The following DSTYK variants were observed in gnomAD, a reference collection of about 807,000 sequenced individuals.
DSTYK encodes dual serine/threonine and tyrosine protein kinase, also known as RIP-homologous kinase.
A neutral mutation model predicts 98.7 loss-of-function variants in DSTYK; 34 were observed. The observed-to-expected ratio is 0.34, with a 90% CI of 0.26 to 0.46. The LOEUF (loss-of-function observed/expected upper bound fraction) is 0.46, where lower values mean the gene tolerates loss of function less well. Ranked by LOEUF, DSTYK falls within the 20% of genes least tolerant of loss-of-function variation. The probability of loss-of-function intolerance (pLI) is 1.00; values close to 1 mark genes in which losing one functional copy is unlikely to be tolerated. For missense variants in DSTYK, 962 were observed against 1,181.7 expected (o/e 0.81, Z 2.73); for synonymous variants, 462 against 457.3 (o/e 1.01, Z -0.13).
chr1:205,166,638 G>A lies in DSTYK; in HGVS notation c.1324+2525C>T, dbSNP rs145558667. On this transcript the variant is annotated intron_variant, in intron 3 of 12. Transcript: ENST00000367162. ...TGACCTCCATTCTGTGTAATATGAT[G>A]CCGGCAGTGATGCTCTGGTGTCTTT... Among the ~76,000 whole-genome samples the A allele has an allele frequency of 5.8e-3, 882 of 152,276 alleles. 7 individuals are homozygous for A. Among genetic ancestry groups the A allele is most frequent in the Non-Finnish European group, 9.2e-3 (629 of 68,010 alleles).
intron 1 of DSTYK, among the ~76,000 whole-genome samples, chr1:205,203,526 A>G (rs1574803040): frequency 5.4e-5 from 2 of 37,014 alleles, no homozygotes; most frequent in African/African-American, 2.3e-4. Flanking sequence ...AGGGGAGGGG[A>G]GGGGAGGGGT....
intron 9 of DSTYK, 33 bp downstream of exon 9, chr1:205,159,514 T>C: frequency 6.3e-7 from 1 of 1,592,130 alleles, no homozygotes; most frequent in Non-Finnish European, 8.6e-7. Context: ...ACCCGTGGAT[T>C]TGGCTGCCAG....
At chr1:205,208,051 TG>T (rs1331636194) in intron 1 of DSTYK, among the ~76,000 whole-genome samples, 3 of 151,948 alleles carry the variant, frequency 2.0e-5, no homozygotes, top group Non-Finnish European at 4.4e-5. Flanking sequence ...CTAATTTTTT[TG>T]GATTTTTAAT....
At chr1:205,172,797 A>G (rs1049253793) in intron 2 of DSTYK, among the ~76,000 whole-genome samples, 1 of 152,138 alleles carries the variant, frequency 6.6e-6, no homozygotes, top group South Asian at 2.1e-4. Flanking sequence ...CAAACACTAC[A>G]TAAGTCAATC....
rs1413236386 is a variant in DSTYK, at chr1:205,199,086, T to A, written c.266-11280A>T. ...TAAATATATAACCTAGACATAATTA[T>A]TTGGGACAATTCTGATGTATCATTA... On this transcript the variant is annotated intron_variant, in intron 1 of 12. Transcript: ENST00000367162. 2.0e-5 allele frequency among the ~76,000 whole-genome samples: 3 copies of A among 152,208 alleles called. No individual in the cohort carries two copies. The East Asian group carries it at 5.8e-4, about 29-fold the overall frequency.
At chr1:205,159,130 C>T (rs368418961) in intron 9 of DSTYK, among the ~76,000 whole-genome samples, 2 of 151,856 alleles carry the variant, frequency 1.3e-5, no homozygotes, top group African/African-American at 2.4e-5. Flanking sequence ...GCTCTGTCAC[C>T]CAGGCTAGGG....
At position 205,169,343 on chromosome 1, in the gene DSTYK, G is replaced by A. The variant is rs146013414; in HGVS notation, c.1144C>T (p.Arg382Trp). ...CGTTTGGGAGTGATCTGCAGGTCCC[G>A]CTGCATGTCAAATGCCTGGTTAATA... ...IFINQAFDMQRDLQITPKRLE... is the reference protein window; with the variant it reads ...IFINQAFDMQWDLQITPKRLE... The change falls in exon 3 of 13, where the codon CGG becomes TGG. Residue 382 changes from arginine to tryptophan, a missense_variant. By Grantham distance (101) the Arg-to-Trp change is moderately radical. This residue lies in a region of DSTYK where 660 missense variants were observed against 855.0 expected (regional missense o/e 0.77). Coordinates refer to ENST00000367162, the MANE Select transcript of DSTYK (RefSeq NM_015375.3). The surrounding 1 kb of genome is among the most constrained non-coding windows in gnomAD (Gnocchi z 4.0). 3 of 1,614,040 alleles carry A rather than the reference G, an allele frequency of 1.9e-6. No individual in the cohort carries two copies. The highest frequency in any genetic ancestry group is 1.3e-5 in the African/African-American group (1 of 74,990).
intron 2 of DSTYK, among the ~76,000 whole-genome samples, chr1:205,178,776 G>T (rs1263213395): frequency 6.6e-6 from 1 of 152,046 alleles, no homozygotes; most frequent in Non-Finnish European, 1.5e-5. Flanking sequence ...CTTACTATGT[G>T]CCAGACACTG....
Position 205,163,896 on chromosome 1 carries a change from G to C in DSTYK, c.1384C>G (p.Arg462Gly), listed in dbSNP as rs77626160. 1.9e-6 allele frequency: 3 copies of C among 1,614,072 alleles called. No homozygotes were observed. Among genetic ancestry groups the C allele is most frequent in the South Asian group, 1.1e-5 (1 of 91,058 alleles). The stretch of plus-strand genomic sequence containing the variant: ...GAGATGATGAGTTCCTGGATCTGTC[G>C]GATGCAGCATTTGATCTCTCTGGTG... The part of the protein sequence containing the change: ...VGTREIKCCI[R>G]QIQELIISRL... Residue 462 changes from arginine to glycine, a missense_variant, in exon 4 of 13, where the codon CGA (arginine) becomes GGA (glycine). This residue lies in a region of DSTYK where 660 missense variants were observed against 855.0 expected (regional missense o/e 0.77). Coordinates refer to ENST00000367162, the MANE Select transcript of DSTYK (RefSeq NM_015375.3).
At chr1:205,157,687 A>G (rs540746502) in intron 9 of DSTYK, among the ~76,000 whole-genome samples, 2 of 150,976 alleles carry the variant, frequency 1.3e-5, no homozygotes, top group African/African-American at 4.8e-5. Flanking sequence ...ACTTGAACCC[A>G]GGAGGCAGAG....
intron 2 of DSTYK, 23 bp downstream of exon 2, chr1:205,187,395 G>A (rs138570634): frequency 2.0e-4 from 313 of 1,585,436 alleles, no homozygotes; most frequent in Non-Finnish European, 2.6e-4. Flanking sequence ...TATACAATTG[G>A]TATAGAAGTA....
intron 1 of DSTYK, among the ~76,000 whole-genome samples, chr1:205,190,423 G>A (rs868232295): frequency 2.0e-5 from 3 of 152,014 alleles, no homozygotes; most frequent in Admixed American, 6.6e-5. Context: ...TCAGGAGTCC[G>A]AAACCAGCCT....
chr1:205,203,353 G>A (rs185588152), intron 1 of DSTYK, among the ~76,000 whole-genome samples: 71 of 149,396 alleles, frequency 4.8e-4, no homozygotes, highest in African/African-American at 1.6e-3. Flanking sequence ...TGGTTCGCGC[G>A]TGCCTGCAGT....
At chr1:205,182,741 G>A (rs1047187136) in intron 2 of DSTYK, among the ~76,000 whole-genome samples, 1 of 151,834 alleles carries the variant, frequency 6.6e-6, no homozygotes, top group Non-Finnish European at 1.5e-5. Context: ...GGGAGGCAGA[G>A]GTTGCAGCGA....
At chr1:205,202,107 G>T in intron 1 of DSTYK, 1 of 431,450 alleles carries the variant, frequency 2.3e-6, no homozygotes, top group South Asian at 1.7e-5. Flanking sequence ...GGGAGAGGGG[G>T]AAGGGAGAAG....
Position 205,162,080 on chromosome 1 carries a change from G to A in DSTYK, c.1774C>T (p.Arg592Trp), listed in dbSNP as rs148048922. The change falls in exon 6 of 13, where the codon CGG becomes TGG. Residue 592 changes from arginine to tryptophan, a missense_variant. Physicochemically the swap from Arg to Trp is moderately radical, Grantham distance 101. This residue lies in a region of DSTYK where 660 missense variants were observed against 855.0 expected (regional missense o/e 0.77). Transcript: ENST00000367162. ...AAAGCCTCGTGGGAACTATTGAGCC[G>A]AGTCCGGAATTGGCTGCAAATGCTC... ...AKSICSQFRT[R>W]LNSSHEAFAA... 7.7e-5 allele frequency: 124 copies of A among 1,614,072 alleles called. No homozygotes were observed. Among genetic ancestry groups the A allele is most frequent in the Admixed American group, 2.0e-4 (12 of 60,014 alleles).
At chr1:205,201,684 C>T (rs1659045426) in intron 1 of DSTYK, among the ~76,000 whole-genome samples, 1 of 152,146 alleles carries the variant, frequency 6.6e-6, no homozygotes, top group Non-Finnish European at 1.5e-5. Flanking sequence ...ACTGGGGGTA[C>T]AAAATGAGTA....
In DSTYK at chr1:205,197,661, A is replaced by C. The variant is rs181411499; in HGVS notation, c.266-9855T>G. Among the ~76,000 whole-genome samples the C allele has an allele frequency of 1.2e-4, 18 of 152,190 alleles. No homozygotes were observed. The East Asian group carries it at 3.1e-3, about 26-fold the overall frequency. ...CAGCAATAACAGGATTTGAACAACA[A>C]CAGTTTCTTCACTGTCTCCACTTTT... On this transcript the variant is annotated intron_variant, in intron 1 of 12. Coordinates refer to ENST00000367162, the MANE Select transcript of DSTYK (RefSeq NM_015375.3).
intron 3 of DSTYK, among the ~76,000 whole-genome samples, chr1:205,166,901 CAAGA>C (rs1657905969): frequency 6.6e-6 from 1 of 152,176 alleles, no homozygotes; most frequent in Admixed American, 6.5e-5. Flanking sequence ...GTACTGTATA[CAAGA>C]GTCTGTGTTA....
Sources: gnomAD v4.1 joint callset for allele counts (sites outside exome capture counted in the v4.1 genomes callset) on GRCh38, gnomAD v4.1.1 for gene constraint, gnomAD v4.1.1 regional missense constraint, Gnocchi (gnomAD v3.1) non-coding constraint, MANE v1.5 for transcripts, NCBI Gene and HGNC (gene_info 2026-07-23, HGNC 2026-07-21) for gene names.